Variants in KANSL1L observed in about 807,000 individuals in gnomAD.
The protein encoded by KANSL1L is KAT8 regulatory NSL complex subunit 1-like protein.
Under a neutral mutation model 108.6 loss-of-function variants are expected in KANSL1L, and 25 were observed. The ratio of observed to expected loss-of-function variants is 0.23; its 90% CI spans 0.17 to 0.32. The LOEUF is 0.32. Ranked by LOEUF, KANSL1L falls within the 10% of genes least tolerant of loss-of-function variation. KANSL1L has a pLI of 1.00. For missense variants in KANSL1L, 1,137 were observed against 1,125.7 expected (o/e 1.01, Z -0.14); for synonymous variants, 405 against 395.1 (o/e 1.03, Z -0.30).
chr2:210,028,600 T>TA (rs1346662029), intron 11 of KANSL1L: 4 of 334,438 alleles, frequency 1.2e-5, no homozygotes, highest in Non-Finnish European at 2.2e-5. Flanking sequence ...ATAATAATAA[T>TA]AAAAAAGACT....
At chr2:210,036,549 T>C (rs1281476989) in intron 8 of KANSL1L, among the ~76,000 whole-genome samples, 1 of 152,160 alleles carries the variant, frequency 6.6e-6, no homozygotes, top group Non-Finnish European at 1.5e-5. Flanking sequence ...CTCCATTACA[T>C]TATAATTTTG....
chr2:210,072,844 C>T (rs2094517000), intron 6 of KANSL1L, among the ~76,000 whole-genome samples: 2 of 152,154 alleles, frequency 1.3e-5, no homozygotes, highest in South Asian at 4.2e-4. Context: ...AACCTCTCCT[C>T]AATCCTGACC....
At chr2:210,070,395 A>G (rs1575470578) in intron 6 of KANSL1L, among the ~76,000 whole-genome samples, 1 of 151,392 alleles carries the variant, frequency 6.6e-6, no homozygotes, top group Admixed American at 6.6e-5. Context: ...ACGCCCAGCT[A>G]ATTTTTTGTA....
At chr2:210,093,805 A>C (rs1411029321) in intron 5 of KANSL1L, among the ~76,000 whole-genome samples, 1 of 152,242 alleles carries the variant, frequency 6.6e-6, no homozygotes, top group Non-Finnish European at 1.5e-5. Flanking sequence ...CCTTATTCAC[A>C]ATAGCCAAGG....
At position 210,021,438 on chromosome 2, in the gene KANSL1L, T is replaced by C. The variant is rs920754516; in HGVS notation, c.*1511A>G. ...AACACACGGCATATAGAAATAACTTTAATTAAAAAACTTACATAGAAGATT... is the reference window on the plus strand; with the variant it reads ...AACACACGGCATATAGAAATAACTTCAATTAAAAAACTTACATAGAAGATT... On this transcript the variant is annotated 3_prime_UTR_variant, in exon 15 of 15. Coordinates refer to ENST00000281772, the MANE Select transcript of KANSL1L (RefSeq NM_152519.4). 4 of 152,500 alleles carry C rather than the reference T, an allele frequency of 2.6e-5. No individual in the cohort carries two copies. The highest frequency in any genetic ancestry group is 5.9e-5 in the Non-Finnish European group (4 of 67,972). 9.4% of individuals were successfully genotyped at this position (152,500 alleles called of 1,614,324 possible).
At chr2:210,129,218 A>C in intron 2 of KANSL1L, 46 bp from the exon 3 acceptor site, 1 of 1,504,020 alleles carries the variant, frequency 6.6e-7, no homozygotes, top group South Asian at 1.3e-5. Flanking sequence ...AAGGCAATCA[A>C]GTTTCACAAA....
intron 5 of KANSL1L, 102 bp from the exon 6 acceptor site, chr2:210,075,858 A>T: frequency 2.5e-6 from 2 of 805,820 alleles, no homozygotes; most frequent in Non-Finnish European, 3.9e-6. Context: ...TTGATCTATT[A>T]TGACAGAAAA....
intron 5 of KANSL1L, among the ~76,000 whole-genome samples, chr2:210,092,394 ACTT>A (rs2094699784): frequency 2.0e-5 from 3 of 152,132 alleles, no homozygotes; most frequent in African/African-American, 4.8e-5. Context: ...TTCTTCTAAT[ACTT>A]CTTCTATGTC....
chr2:210,048,906 C>T (rs962144169), intron 6 of KANSL1L, among the ~76,000 whole-genome samples: 1 of 152,100 alleles, frequency 6.6e-6, no homozygotes, highest in African/African-American at 2.4e-5. Flanking sequence ...AAAACAAAAA[C>T]AAAAACACTT....
chr2:210,025,322 C>T (rs974574176), intron 12 of KANSL1L, 106 bp from the exon 13 acceptor site: 17 of 625,208 alleles, frequency 2.7e-5, no homozygotes, highest in South Asian at 8.0e-5. Flanking sequence ...TTTGGAAGGC[C>T]GAGGTGGGTG....
intron 3 of KANSL1L, among the ~76,000 whole-genome samples, chr2:210,122,386 T>C (rs2095029829): frequency 1.3e-5 from 2 of 152,054 alleles, no homozygotes; most frequent in Admixed American, 6.5e-5. Context: ...TCCATACATA[T>C]ACAGTTAACT....
At chr2:210,093,080 G>T (rs1413415630) in intron 5 of KANSL1L, among the ~76,000 whole-genome samples, 4 of 152,134 alleles carry the variant, frequency 2.6e-5, no homozygotes, top group Non-Finnish European at 2.9e-5. Context: ...TAAATACAAA[G>T]ATTTTATTTC....
At chr2:210,090,862 A>G (rs1010910027) in intron 5 of KANSL1L, among the ~76,000 whole-genome samples, 12 of 152,148 alleles carry the variant, frequency 7.9e-5, no homozygotes, top group Admixed American at 1.3e-4. Flanking sequence ...CTTTTTACCT[A>G]TATCTATAAA....
chr2:210,168,109 C>G (rs1208890861), intron 1 of KANSL1L, among the ~76,000 whole-genome samples: 1 of 151,980 alleles, frequency 6.6e-6, no homozygotes, highest in African/African-American at 2.4e-5. Flanking sequence ...TACTATAATG[C>G]AGTATCAGCT....
Position 210,156,529 on chromosome 2 carries a change from T to C in KANSL1L, c.-29-1918A>G, listed in dbSNP as rs371527876. Reference sequence around the variant, plus strand: ...CAATACAGAAAGACCTTAAAAACAGTATCAAGTTAAAAATAAAAAAGAACA... The same window carrying C: ...CAATACAGAAAGACCTTAAAAACAGCATCAAGTTAAAAATAAAAAAGAACA... On this transcript the variant is annotated intron_variant, in intron 1 of 14. Transcript: ENST00000281772. 1.1e-4 allele frequency among the ~76,000 whole-genome samples: 17 copies of C among 152,132 alleles called. No individual in the cohort carries two copies. In the East Asian group the frequency reaches 3.3e-3, roughly 29 times the overall value.
At chr2:210,038,915 A>C (rs138311834) in intron 8 of KANSL1L, among the ~76,000 whole-genome samples, 3 of 152,064 alleles carry the variant, frequency 2.0e-5, no homozygotes, top group East Asian at 3.9e-4. Context: ...AAAGCCCTTC[A>C]ATCAGTGCTG....
intron 6 of KANSL1L, among the ~76,000 whole-genome samples, chr2:210,052,148 T>A (rs566654763): frequency 6.6e-6 from 1 of 151,854 alleles, no homozygotes; most frequent in South Asian, 2.1e-4. Context: ...GGACTAGAGG[T>A]GGATACCACC....
At chr2:210,028,991 G>C in intron 10 of KANSL1L, 22 bp from the exon 11 acceptor site, 1 of 1,591,832 alleles carries the variant, frequency 6.3e-7, no homozygotes. Flanking sequence ...GATTACAGTA[G>C]ATTTACAGTA....
chr2:210,101,242 G>A (rs2094791196), intron 4 of KANSL1L, among the ~76,000 whole-genome samples: 1 of 152,122 alleles, frequency 6.6e-6, no homozygotes, highest in Non-Finnish European at 1.5e-5. Context: ...CGCAGATGGA[G>A]GCTATGCTTG....
Sources: allele counts gnomAD v4.1 joint callset (sites outside exome capture counted in the v4.1 genomes callset), GRCh38; gene constraint gnomAD v4.1.1; transcripts MANE v1.5; gene names NCBI Gene and HGNC (gene_info 2026-07-23, HGNC 2026-07-21).